DENND3: variants seen among roughly 807,000 people sequenced by gnomAD.
The protein encoded by DENND3 is DENN domain-containing protein 3.
A neutral mutation model predicts 135.1 loss-of-function variants in DENND3; 88 were observed. The ratio of observed to expected loss-of-function variants is 0.65; its 90% CI spans 0.55 to 0.78. DENND3 has a LOEUF of 0.78. Ranked by LOEUF, DENND3 falls within the 30% of genes least tolerant of loss-of-function variation. The probability of loss-of-function intolerance (pLI) is 0.00; values close to 1 mark genes in which losing one functional copy is unlikely to be tolerated. For synonymous variants in DENND3, 693 were observed against 712.3 expected, an observed-to-expected ratio of 0.97 and a Z score of 0.43; for missense variants, 1,392 against 1,688.4, an observed-to-expected ratio of 0.82 and a Z score of 3.08.
chr8:141,192,108 A>G, intron 20 of DENND3: 1 of 491,912 alleles, frequency 2.0e-6, no homozygotes, highest in Non-Finnish European at 3.5e-6. Flanking sequence ...AACTGCCCAT[A>G]TATTTACGTT....
chr8:141,185,834 A>G (rs1304361016), intron 18 of DENND3, among the ~76,000 whole-genome samples: 1 of 151,754 alleles, frequency 6.6e-6, no homozygotes, highest in Non-Finnish European at 1.5e-5. Context: ...CAAACAGACA[A>G]ATAATAATAA....
chr8:141,142,076 C>G (rs1279871358), intron 4 of DENND3: 3 of 294,946 alleles, frequency 1.0e-5, no homozygotes, highest in South Asian at 7.9e-5. Context: ...TGTCTCCCTG[C>G]TGATGGTGAG....
In DENND3 at chr8:141,192,968, A is replaced by G. The variant is rs114952934; in HGVS notation, c.3636+305A>G. On this transcript the variant is annotated intron_variant, in intron 22 of 22. Coordinates refer to ENST00000519811, the MANE Select transcript of DENND3 (RefSeq NM_001352890.3). ...AGGTCCAAAACCAAGGTGTCGGCAG[A>G]GCCGCTTCCCTCGGGGGCTCGGGGG... The G allele has an allele frequency of 8.0e-4, 985 of 1,231,900 alleles. 2 individuals are homozygous for G. The highest frequency in any genetic ancestry group is 5.8e-3 in the African/African-American group (376 of 65,356). The allele number at this position is 1,231,900 out of a possible 1,614,324, so 76.3% of individuals were successfully genotyped here. A position where few individuals can be genotyped will look rare whatever the true frequency, so the allele number is the denominator to read the frequency against.
chr8:141,132,031 G>C (rs1490844956), intron 1 of DENND3, among the ~76,000 whole-genome samples: 1 of 152,082 alleles, frequency 6.6e-6, no homozygotes, highest in Non-Finnish European at 1.5e-5. Context: ...TGTTCAGTGT[G>C]GTGAAGACTT....
chr8:141,148,363 G>A (rs948259051), intron 5 of DENND3, among the ~76,000 whole-genome samples: 8 of 152,146 alleles, frequency 5.3e-5, no homozygotes, highest in African/African-American at 1.2e-4. Context: ...ACCAACAGCC[G>A]GAGCAGGGCA....
chr8:141,153,107 T>A (rs1762650113), intron 7 of DENND3, among the ~76,000 whole-genome samples: 1 of 150,190 alleles, frequency 6.7e-6, no homozygotes, highest in Non-Finnish European at 1.5e-5. Flanking sequence ...TTTTTTTTTT[T>A]TTTTGAGACA....
Position 141,166,201 on chromosome 8 carries a change from T to A in DENND3, c.1565T>A (p.Met522Lys). The A allele has an allele frequency of 6.2e-7, 1 of 1,614,186 alleles. No homozygotes were observed. The highest frequency in any genetic ancestry group is 1.1e-5 in the South Asian group (1 of 91,082). The change falls in exon 12 of 23, where the codon ATG becomes AAG. Residue 522 changes from methionine (M) to lysine (K), a missense_variant. Transcript: ENST00000519811. This position sits in a 1 kb window ranked among gnomAD's most constrained non-coding sequence, Gnocchi z 4.3. ...TTTTCGTACCCCAGAATAAATGGAA[T>A]GCTTCTAAGTCCAAGGAGACCGACC... ...TQSEEDRINGMLLSPRRPTVE... is the reference protein window; with the variant it reads ...TQSEEDRINGKLLSPRRPTVE...
At chr8:141,178,997 T>G (rs1822754943) in intron 16 of DENND3, among the ~76,000 whole-genome samples, 1 of 152,262 alleles carries the variant, frequency 6.6e-6, no homozygotes, top group African/African-American at 2.4e-5. Context: ...TGTGCACATC[T>G]GTTTTCATTT....
intron 17 of DENND3, 51 bp downstream of exon 17, chr8:141,180,905 C>G (rs368676007): frequency 6.6e-7 from 1 of 1,504,520 alleles, no homozygotes; most frequent in East Asian, 2.3e-5. Context: ...CAATCTGATG[C>G]GCTTAGGTTT....
chr8:141,136,820 C>T lies in DENND3; in HGVS notation c.385+29C>T, dbSNP rs757021583. 14 of 1,512,984 alleles carry T rather than the reference C, an allele frequency of 9.3e-6. No individual in the cohort carries two copies. In the East Asian group the frequency reaches 9.7e-5, roughly 10 times the overall value. The allele number at this position is 1,512,984 out of a possible 1,614,324, so 93.7% of individuals were successfully genotyped here. A position where few individuals can be genotyped will look rare whatever the true frequency, so the allele number is the denominator to read the frequency against. ...TGTCTAGGAGGTGGGCACCACTGGGCGCCTCCTGCTGCCGGCCACCCAGAG... is the reference window on the plus strand; with the variant it reads ...TGTCTAGGAGGTGGGCACCACTGGGTGCCTCCTGCTGCCGGCCACCCAGAG... On this transcript the variant is annotated intron_variant, in intron 2 of 22. Transcript: ENST00000519811.
intron 5 of DENND3, among the ~76,000 whole-genome samples, chr8:141,147,034 C>T (rs1818233070): frequency 6.6e-6 from 1 of 152,190 alleles, no homozygotes; most frequent in South Asian, 2.1e-4. Flanking sequence ...CTCCGGGTCT[C>T]CTGGCCCGAT....
At position 141,168,196 on chromosome 8, in the gene DENND3, T is replaced by C. The variant is rs377637628; in HGVS notation, c.1946T>C (p.Met649Thr). The change falls in exon 13 of 23, where the codon ATG (methionine) becomes ACG (threonine). Residue 649 changes from methionine (M) to threonine (T), a missense_variant. Met to Thr is a moderately conservative substitution (Grantham distance 81). Transcript: ENST00000519811. The surrounding 1 kb of genome is among the most constrained non-coding windows in gnomAD (Gnocchi z 6.2). ...TACCTCCGAGGGCTCGTTTATCTGATGCAGGGACAGCTGCTGAACGCCCTC... is the reference window on the plus strand; with the variant it reads ...TACCTCCGAGGGCTCGTTTATCTGACGCAGGGACAGCTGCTGAACGCCCTC... Reference protein sequence around the residue: ...YLYLRGLVYLMQGQLLNALLD... With the variant: ...YLYLRGLVYLTQGQLLNALLD... 3.5e-5 allele frequency: 57 copies of C among 1,614,100 alleles called. No individual in the cohort carries two copies. Among genetic ancestry groups the C allele is most frequent in the Non-Finnish European group, 4.5e-5 (53 of 1,180,058 alleles).
At chr8:141,184,238 A>G (rs1382827937) in intron 17 of DENND3, among the ~76,000 whole-genome samples, 1 of 152,242 alleles carries the variant, frequency 6.6e-6, no homozygotes, top group Non-Finnish European at 1.5e-5. Flanking sequence ...CAGATTCACC[A>G]GTCTTTTGCT....
intron 17 of DENND3, among the ~76,000 whole-genome samples, chr8:141,181,991 G>A (rs912501446): frequency 5.9e-5 from 9 of 152,036 alleles, no homozygotes; most frequent in African/African-American, 1.9e-4. Flanking sequence ...ACGGGGTTTC[G>A]CCATGTTGCC....
At position 141,176,559 on chromosome 8, in the gene DENND3, A is replaced by G. The variant is rs753229129; in HGVS notation, c.2536-32A>G. 3.1e-6 allele frequency: 5 copies of G among 1,613,700 alleles called. No homozygotes were observed. In the Admixed American group the frequency reaches 6.7e-5, roughly 22 times the overall value. Reference sequence around the variant, plus strand: ...TGAATCCACGTGTTCTCTGAGTGTGACATTCCTAACTTTTCTTTTCTGCCT... The same window carrying G: ...TGAATCCACGTGTTCTCTGAGTGTGGCATTCCTAACTTTTCTTTTCTGCCT... On this transcript the variant is annotated intron_variant, in intron 14 of 22. Transcript: ENST00000519811.
At position 141,194,633 on chromosome 8, in the gene DENND3, AT is replaced by A. The variant is rs11346480; in HGVS notation, c.*402del. On this transcript the variant is annotated 3_prime_UTR_variant, in exon 23 of 23. Coordinates refer to ENST00000519811, the MANE Select transcript of DENND3 (RefSeq NM_001352890.3). ...CTCTGGTTTTACCTTTCCTTACTTC[AT>A]TCATTCACTCACCCAGTCCTTACGA... The A allele has an allele frequency of 0.44, 93,941 of 214,388 alleles. 21,748 individuals carry two copies. Among genetic ancestry groups the A allele is most frequent in the East Asian group, 0.65 (5,951 of 9,112 alleles). The allele number at this position is 214,388 out of a possible 1,614,324, so 13.3% of individuals were successfully genotyped here. A position where few individuals can be genotyped will look rare whatever the true frequency, so the allele number is the denominator to read the frequency against.
rs575080480 is a variant in DENND3 at position 141,139,777 on chromosome 8, C to T, written c.502-1426C>T. Among the ~76,000 whole-genome samples the T allele has an allele frequency of 6.6e-6, 1 of 152,356 alleles. No individual in the cohort carries two copies. Among genetic ancestry groups the T allele is most frequent in the African/African-American group, 2.4e-5 (1 of 41,578 alleles). Reference sequence around the variant, plus strand: ...GATGCCACTGTTCCCAGTGTGCCGGCCTGGCGTGGGCATGCCTGGTCCTGC... The same window carrying T: ...GATGCCACTGTTCCCAGTGTGCCGGTCTGGCGTGGGCATGCCTGGTCCTGC... On this transcript the variant is annotated intron_variant, in intron 3 of 22. Transcript: ENST00000519811. The surrounding 1 kb of genome is among the most constrained non-coding windows in gnomAD (Gnocchi z 4.2).
At position 141,141,084 on chromosome 8, in the gene DENND3, G is replaced by T. The variant is rs1450218935; in HGVS notation, c.502-119G>T. The stretch of plus-strand genomic sequence containing the variant: ...GGGCCGGTGCTGGCTTGGACGCGTT[G>T]CAGGGGTGGGGATGGTGGACTCTCA... On this transcript the variant is annotated intron_variant, in intron 3 of 22. Transcript: ENST00000519811. The surrounding 1 kb of genome is among the most constrained non-coding windows in gnomAD (Gnocchi z 5.3). The T allele has an allele frequency of 6.6e-7, 1 of 1,504,920 alleles. No individual in the cohort carries two copies. The highest frequency in any genetic ancestry group is 9.1e-7 in the Non-Finnish European group (1 of 1,099,538). The allele number at this position is 1,504,920 out of a possible 1,614,324, so 93.2% of individuals were successfully genotyped here. A position where few individuals can be genotyped will look rare whatever the true frequency, so the allele number is the denominator to read the frequency against.
intron 5 of DENND3, among the ~76,000 whole-genome samples, chr8:141,147,714 T>C (rs920670594): frequency 6.6e-6 from 1 of 152,186 alleles, no homozygotes; most frequent in Admixed American, 6.5e-5. Context: ...TGTTTAATGT[T>C]CGTCTCCCCC....
Sources: gnomAD v4.1 joint callset for allele counts (sites outside exome capture counted in the v4.1 genomes callset) on GRCh38, gnomAD v4.1.1 for gene constraint, Gnocchi (gnomAD v3.1) non-coding constraint, MANE v1.5 for transcripts, NCBI Gene and HGNC (gene_info 2026-07-23, HGNC 2026-07-21) for gene names.